The following LUC7L2 variants were observed in gnomAD, a reference collection of about 807,000 sequenced individuals.
LUC7L2 encodes putative RNA-binding protein Luc7-like 2.
A neutral mutation model predicts 52.8 loss-of-function variants in LUC7L2; 25 were observed. The ratio of observed to expected loss-of-function variants is 0.47; its 90% CI spans 0.34 to 0.66. The LOEUF (loss-of-function observed/expected upper bound fraction) is 0.66. Ranked by LOEUF, LUC7L2 falls within the 30% of genes least tolerant of loss-of-function variation. The pLI, the probability that LUC7L2 is intolerant of heterozygous loss-of-function variation, is 0.01. For synonymous variants in LUC7L2, 144 were observed against 160.9 expected, an observed-to-expected ratio of 0.89 and a Z score of 0.80; for missense variants, 328 against 497.8, an observed-to-expected ratio of 0.66 and a Z score of 3.25.
intron 1 of LUC7L2, 123 bp from the exon 2 acceptor site, chr7:139,375,939 C>A: frequency 1.1e-6 from 1 of 915,900 alleles, no homozygotes; most frequent in African/African-American, 1.7e-5. Flanking sequence ...AAAACTAATC[C>A]CTCTTGAGCT....
At chr7:139,414,065 C>T (rs1398578697) in intron 8 of LUC7L2, among the ~76,000 whole-genome samples, 1 of 152,156 alleles carries the variant, frequency 6.6e-6, no homozygotes, top group African/African-American at 2.4e-5. Context: ...ATTTCTATTC[C>T]TCTAGTCCTG....
At chr7:139,374,414 A>G (rs746416897) in intron 1 of LUC7L2, 3 of 1,550,844 alleles carry the variant, frequency 1.9e-6, no homozygotes, top group South Asian at 2.4e-5. Context: ...CAATGTATCT[A>G]TGCCTGCCTA....
intron 1 of LUC7L2, among the ~76,000 whole-genome samples, chr7:139,343,845 G>T (rs1051311445): frequency 1.3e-5 from 2 of 150,840 alleles, no homozygotes; most frequent in African/African-American, 4.9e-5. Flanking sequence ...TGAGGCAGGA[G>T]GATCACTTGA....
At chr7:139,370,916 T>G (rs2131202021) in intron 1 of LUC7L2, among the ~76,000 whole-genome samples, 1 of 147,514 alleles carries the variant, frequency 6.8e-6, no homozygotes, top group Middle Eastern at 3.4e-3. Context: ...TTCTCTGCAT[T>G]TAGGGATTCA....
chr7:139,402,036 C>T, intron 3 of LUC7L2, 101 bp from the exon 4 acceptor site: 1 of 1,290,072 alleles, frequency 7.8e-7, no homozygotes, highest in South Asian at 1.6e-5. Flanking sequence ...CCGTGCCCCA[C>T]CATGGTAGCA....
intron 8 of LUC7L2, chr7:139,416,168 C>T (rs1021059049): frequency 6.8e-6 from 1 of 147,792 alleles, no homozygotes; most frequent in Non-Finnish European, 1.5e-5. Flanking sequence ...GAGAACATTT[C>T]CATCATTCTT....
intron 2 of LUC7L2, among the ~76,000 whole-genome samples, chr7:139,397,878 A>G (rs1162182013): frequency 6.6e-6 from 1 of 152,174 alleles, no homozygotes; most frequent in Non-Finnish European, 1.5e-5. Flanking sequence ...GCTTATTATA[A>G]GTGGGATTAA....
chr7:139,375,525 C>G, intron 1 of LUC7L2: 2 of 985,598 alleles, frequency 2.0e-6, no homozygotes, highest in Non-Finnish European at 2.4e-6. Flanking sequence ...GGAGACACTT[C>G]AGCTGGAACA....
chr7:139,407,367 T>G lies in LUC7L2; in HGVS notation c.687+17T>G. 1.3e-6 allele frequency: 2 copies of G among 1,598,234 alleles called. No homozygotes were observed. Among genetic ancestry groups the G allele is most frequent in the Non-Finnish European group, 1.7e-6 (2 of 1,171,718 alleles). On this transcript the variant is annotated intron_variant, in intron 6 of 9. Transcript: ENST00000354926. ...GAATTAAAGGTACATTGGTAAAATA[T>G]TCCTCACTTTATCCTCTTGTTCTTT... is the stretch of plus-strand genomic sequence containing the variant.
intron 2 of LUC7L2, among the ~76,000 whole-genome samples, chr7:139,388,236 A>G (rs1794292195): frequency 6.6e-6 from 1 of 152,144 alleles, no homozygotes; most frequent in South Asian, 2.1e-4. Context: ...CTCTTGTTTT[A>G]ACTTTTTCTA....
intron 6 of LUC7L2, 106 bp downstream of exon 6, chr7:139,407,456 A>G: frequency 1.5e-6 from 2 of 1,303,440 alleles, no homozygotes; most frequent in South Asian, 3.7e-5. Flanking sequence ...ATAGTATCTA[A>G]TGATTAATAC....
At chr7:139,340,497 A>G in exon 1 of LUC7L2, 1 of 398,546 alleles carries the variant, frequency 2.5e-6, no homozygotes, top group Non-Finnish European at 4.4e-6. Flanking sequence ...CAACGTCCGG[A>G]GCATCGGTGC....
chr7:139,341,861 A>G (rs1173712921), intron 1 of LUC7L2, among the ~76,000 whole-genome samples: 2 of 152,204 alleles, frequency 1.3e-5, no homozygotes, highest in Non-Finnish European at 2.9e-5. Flanking sequence ...TGGGGATAAA[A>G]CAATGAAGAT....
At chr7:139,419,320 T>G (rs905174788) in intron 9 of LUC7L2, among the ~76,000 whole-genome samples, 1 of 151,948 alleles carries the variant, frequency 6.6e-6, no homozygotes, top group Non-Finnish European at 1.5e-5. Context: ...GTCGGTAAAA[T>G]TTGAACAGGT....
chr7:139,363,397 T>G (rs1010159524), intron 1 of LUC7L2: 1 of 252,442 alleles, frequency 4.0e-6, no homozygotes, highest in African/African-American at 2.3e-5. Context: ...AGCACTGGGC[T>G]GAGACTCAGG....
rs769392627 is a variant in LUC7L2 at position 139,417,530 on chromosome 7, T to C, written c.810-8T>C. 3 of 1,605,158 alleles carry C rather than the reference T, an allele frequency of 1.9e-6. No homozygotes were observed. In the African/African-American group the frequency reaches 4.0e-5, roughly 21 times the overall value. Reference sequence around the variant, plus strand: ...AAGGTAGAAACAAAATCAAATCTTGTCTGGTAGATCCAGGTCCAGAGAGCA... The same window carrying C: ...AAGGTAGAAACAAAATCAAATCTTGCCTGGTAGATCCAGGTCCAGAGAGCA... On this transcript the variant is annotated splice_region_variant and splice_polypyrimidine_tract_variant and intron_variant, in intron 8 of 9. Transcript: ENST00000354926.
chr7:139,357,448 A>G (rs551148441), upstream of LUC7L2, among the ~76,000 whole-genome samples: 1 of 152,274 alleles, frequency 6.6e-6, no homozygotes, highest in Admixed American at 6.5e-5. Context: ...AAAGAACTCA[A>G]ATCTCTTCAA....
chr7:139,391,721 T>G (rs1794458774), intron 2 of LUC7L2, among the ~76,000 whole-genome samples: 1 of 152,090 alleles, frequency 6.6e-6, no homozygotes, highest in Non-Finnish European at 1.5e-5. Flanking sequence ...CCTGAGTAGT[T>G]GGGATTCCAG....
In LUC7L2 at chr7:139,343,375, A is replaced by G. The variant is rs1799095889; in HGVS notation, c.-26+2858A>G. On this transcript the variant is annotated intron_variant, in intron 1 of 10. Transcript: ENST00000541170. ...CTGCAGATCCTAAAACCCACATTCT[A>G]ACAGCATGGGCAACATAGTGTAGTG... Among the ~76,000 whole-genome samples, 4 of 152,220 alleles carry G rather than the reference A, an allele frequency of 2.6e-5. No homozygotes were observed. The South Asian group carries it at 8.3e-4, about 32-fold the overall frequency.
Sources: gnomAD v4.1 joint callset for allele counts (sites outside exome capture counted in the v4.1 genomes callset) on GRCh38, gnomAD v4.1.1 for gene constraint, MANE v1.5 for transcripts, NCBI Gene and HGNC (gene_info 2026-07-23, HGNC 2026-07-21) for gene names.